Variants in MYPN observed in about 807,000 individuals in gnomAD.
MYPN encodes myopalladin, also known as sarcomeric protein myopalladin, 145 kDa (MYOP).
In MYPN, 63 loss-of-function variants were observed where a neutral mutation model predicts 129.4. The observed-to-expected ratio is 0.49, with a 90% CI of 0.40 to 0.60. The LOEUF is 0.60. Ranked by LOEUF, MYPN falls within the 20% of genes least tolerant of loss-of-function variation. The pLI is 0.00. For missense variants in MYPN, 1,596 were observed against 1,635.4 expected, an observed-to-expected ratio of 0.98 and a Z score of 0.42; for synonymous variants, 629 against 600.9, an observed-to-expected ratio of 1.05 and a Z score of -0.68.
At chr10:68,158,868 AAC>A (rs2042926198) in intron 7 of MYPN, among the ~76,000 whole-genome samples, 1 of 151,666 alleles carries the variant, frequency 6.6e-6, no homozygotes, top group Non-Finnish European at 1.5e-5. Context: ...ACATTTAATG[AAC>A]ACCTTTCCAT....
At chr10:68,116,341 T>C (rs1589523379) in intron 1 of MYPN, among the ~76,000 whole-genome samples, 1 of 152,380 alleles carries the variant, frequency 6.6e-6, no homozygotes, top group South Asian at 2.1e-4. Flanking sequence ...TAACAATTTA[T>C]ATATGCATTT....
chr10:68,193,834 CACACAT>C (rs1260550126), intron 13 of MYPN, among the ~76,000 whole-genome samples: 1 of 33,118 alleles, frequency 3.0e-5, no homozygotes, highest in Non-Finnish European at 1.2e-4. Context: ...CACACACACA[CACACAT>C]AGATATTTAC....
chr10:68,197,401 T>G lies in MYPN; in HGVS notation c.3208T>G (p.Phe1070Val). 1 of 1,613,684 alleles carries G rather than the reference T, an allele frequency of 6.2e-7. No individual in the cohort carries two copies. The highest frequency in any genetic ancestry group is 1.7e-4 in the Middle Eastern group (1 of 6,052). The stretch of plus-strand genomic sequence containing the variant: ...AGACAAAGAGCCCCTACAGGAACGC[T>G]TTTTCCGACCACATTTCCTGCAGGC... Reference protein sequence around the residue: ...ERDKEPLQERFFRPHFLQAPG... With the variant: ...ERDKEPLQERVFRPHFLQAPG... Residue 1070 changes from phenylalanine (F) to valine (V), a missense_variant, in exon 16 of 20, where the codon TTT (phenylalanine) becomes GTT (valine). Phe to Val is a conservative substitution (Grantham distance 50, BLOSUM62 -1). Transcript: ENST00000358913.
chr10:68,180,992 A>C (rs925167136), intron 12 of MYPN, among the ~76,000 whole-genome samples: 1 of 152,184 alleles, frequency 6.6e-6, no homozygotes, highest in Non-Finnish European at 1.5e-5. Context: ...ATTTCCTTTC[A>C]TAAAGCAACT....
rs544095544 is a variant in MYPN at position 68,097,867 on chromosome 10, G to C, written c.-2+9875G>C. On this transcript the variant is annotated intron_variant, in intron 1 of 6. Transcript: ENST00000685154. ...TTCATCTTTCAGTACTAGTTTTTAAGTACTATTTGTTTTCAAAAGAGGTGA... is the reference window on the plus strand; with the variant it reads ...TTCATCTTTCAGTACTAGTTTTTAACTACTATTTGTTTTCAAAAGAGGTGA... Among the ~76,000 whole-genome samples the C allele has an allele frequency of 1.3e-4, 19 of 151,752 alleles. No homozygotes were observed. The East Asian group carries it at 3.5e-3, about 28-fold the overall frequency.
At chr10:68,111,465 A>G (rs936596391) in intron 1 of MYPN, among the ~76,000 whole-genome samples, 1 of 152,176 alleles carries the variant, frequency 6.6e-6, no homozygotes, top group African/African-American at 2.4e-5. Flanking sequence ...ACAAGATAGA[A>G]AAATGAAAGG....
At chr10:68,197,140 G>A (rs149742609) in intron 15 of MYPN, among the ~76,000 whole-genome samples, 1 of 151,978 alleles carries the variant, frequency 6.6e-6, no homozygotes, top group African/African-American at 2.4e-5. Flanking sequence ...TGCAGATCTC[G>A]CAAGACAATC....
chr10:68,136,289 G>T (rs936710088), intron 2 of MYPN: 2 of 991,174 alleles, frequency 2.0e-6, no homozygotes, highest in African/African-American at 3.5e-5. Flanking sequence ...TAACCATCTG[G>T]ACCTGCCCTA....
chr10:68,160,437 A>C (rs1022747684), intron 7 of MYPN, among the ~76,000 whole-genome samples: 2 of 149,990 alleles, frequency 1.3e-5, no homozygotes, highest in African/African-American at 4.9e-5. Flanking sequence ...CTCAAAAAAA[A>C]AAAAAAAAAA....
intron 9 of MYPN, among the ~76,000 whole-genome samples, chr10:68,166,084 G>A (rs886811841): frequency 6.6e-6 from 1 of 152,024 alleles, no homozygotes; most frequent in Admixed American, 6.6e-5. Context: ...CTTTCCAAAA[G>A]GGTACTTAGA....
intron 10 of MYPN, among the ~76,000 whole-genome samples, chr10:68,168,476 G>T (rs1421748622): frequency 1.3e-5 from 2 of 152,164 alleles, no homozygotes; most frequent in Non-Finnish European, 2.9e-5. Flanking sequence ...AGTGACTGCG[G>T]CCCAGGGAAA....
At chr10:68,175,832 G>A (rs2043219490) in intron 12 of MYPN, among the ~76,000 whole-genome samples, 1 of 152,170 alleles carries the variant, frequency 6.6e-6, no homozygotes, top group Admixed American at 6.5e-5. Context: ...ACGGTTCACT[G>A]CAACCTTGAC....
intron 12 of MYPN, 135 bp downstream of exon 12, chr10:68,175,596 C>T (rs1374092344): frequency 1.1e-5 from 11 of 966,424 alleles, no homozygotes; most frequent in Non-Finnish European, 1.8e-5. Flanking sequence ...CACAGACTAA[C>T]CAAAGGTCAT....
intron 1 of MYPN, among the ~76,000 whole-genome samples, chr10:68,115,062 C>T (rs1354307959): frequency 6.6e-6 from 1 of 151,734 alleles, no homozygotes; most frequent in Admixed American, 6.6e-5. Flanking sequence ...AGTTTGAAAC[C>T]AGCCTGGATA....
At chr10:68,171,943 T>G (rs74143038) in intron 10 of MYPN, among the ~76,000 whole-genome samples, 6,086 of 152,332 alleles carry the variant, frequency 0.04, 405 homozygotes, top group African/African-American at 0.14. Context: ...TCAAAAGTAC[T>G]TGATACAGTA....
chr10:68,116,720 G>C (rs755787109), intron 1 of MYPN, among the ~76,000 whole-genome samples: 1 of 151,744 alleles, frequency 6.6e-6, no homozygotes. Context: ...TGGGCTATAA[G>C]AGCGAGAGTC....
chr10:68,196,473 CCTT>C (rs199923048), intron 15 of MYPN, among the ~76,000 whole-genome samples: 1,831 of 115,982 alleles, frequency 0.016, 24 homozygotes, highest in Middle Eastern at 0.046. Flanking sequence ...TGCAACTATA[CCTT>C]CTTCTTCTTT....
chr10:68,177,610 T>G (rs2043248030), intron 12 of MYPN, among the ~76,000 whole-genome samples: 1 of 152,206 alleles, frequency 6.6e-6, no homozygotes, highest in Non-Finnish European at 1.5e-5. Flanking sequence ...CTGTCTAAAA[T>G]ATACTGTGAC....
chr10:68,202,114 T>C, intron 18 of MYPN, 120 bp downstream of exon 18: 1 of 1,198,044 alleles, frequency 8.3e-7, no homozygotes, highest in South Asian at 1.2e-5. Context: ...CATTTGCGTT[T>C]CATTGATATT....
Sources: gnomAD v4.1 joint callset for allele counts (sites outside exome capture counted in the v4.1 genomes callset) on GRCh38, gnomAD v4.1.1 for gene constraint, MANE v1.5 for transcripts, NCBI Gene and HGNC (gene_info 2026-07-23, HGNC 2026-07-21) for gene names.